ASCC3: variants seen among roughly 807,000 people sequenced by gnomAD.
The protein encoded by ASCC3 is ASC-1 complex subunit P200.
ASCC3 carries 158 observed loss-of-function variants against 256.3 expected under a neutral mutation model. That is an observed-to-expected ratio of 0.62 (90% CI 0.54 to 0.70). The LOEUF (loss-of-function observed/expected upper bound fraction) is 0.70. ASCC3 is among the 30% of genes least tolerant of loss of function. The probability of loss-of-function intolerance (pLI) is 0.00; values close to 1 mark genes in which losing one functional copy is unlikely to be tolerated. For synonymous variants in ASCC3, 948 were observed against 883.4 expected, an observed-to-expected ratio of 1.07 and a Z score of -1.30; for missense variants, 2,259 against 2,626.0, an observed-to-expected ratio of 0.86 and a Z score of 3.05.
intron 1 of ASCC3, among the ~76,000 whole-genome samples, chr6:100,872,817 G>T (rs1034282547): frequency 1.3e-5 from 2 of 152,160 alleles, no homozygotes; most frequent in Non-Finnish European, 2.9e-5. Context: ...CTCTCAGGAA[G>T]CCATATCCCT....
chr6:100,855,269 A>G (rs1318659029), intron 3 of ASCC3, among the ~76,000 whole-genome samples: 1 of 152,094 alleles, frequency 6.6e-6, no homozygotes, highest in Non-Finnish European at 1.5e-5. Flanking sequence ...GTGCACTACC[A>G]TGCCTGGCTA....
chr6:100,682,821 G>T (rs1351275007), intron 13 of ASCC3, among the ~76,000 whole-genome samples: 1 of 152,164 alleles, frequency 6.6e-6, no homozygotes, highest in African/African-American at 2.4e-5. Context: ...TTAGCTTGAA[G>T]GAGTACATTC....
chr6:100,546,386 T>C (rs1180900149), intron 36 of ASCC3, among the ~76,000 whole-genome samples: 6 of 152,136 alleles, frequency 3.9e-5, no homozygotes, highest in Non-Finnish European at 5.9e-5. Flanking sequence ...AAAATTCACA[T>C]GGAAATGTAA....
At chr6:100,595,123 C>T (rs1043902596) in intron 34 of ASCC3, among the ~76,000 whole-genome samples, 1 of 152,060 alleles carries the variant, frequency 6.6e-6, no homozygotes, top group African/African-American at 2.4e-5. Flanking sequence ...GGAATAAGTT[C>T]TGGTGATGCA....
At chr6:100,672,384 G>A (rs1384033690) in intron 14 of ASCC3, among the ~76,000 whole-genome samples, 1 of 151,760 alleles carries the variant, frequency 6.6e-6, no homozygotes, top group Non-Finnish European at 1.5e-5. Flanking sequence ...GTATTGCCTG[G>A]ACTGGAATAT....
chr6:100,594,145 G>A (rs886375526), intron 34 of ASCC3, among the ~76,000 whole-genome samples: 2 of 152,022 alleles, frequency 1.3e-5, no homozygotes, highest in Admixed American at 6.6e-5. Context: ...AGTATGATTA[G>A]CTGAAGGGAG....
intron 36 of ASCC3, among the ~76,000 whole-genome samples, chr6:100,557,755 ATAGT>A (rs929899260): frequency 9.9e-5 from 15 of 152,272 alleles, no homozygotes; most frequent in South Asian, 2.1e-4. Context: ...GCACAAAAAA[ATAGT>A]TAGAAAGAAT....
At chr6:100,518,329 C>T (rs1774140818) in intron 37 of ASCC3, among the ~76,000 whole-genome samples, 187 bp from the exon 38 acceptor site, 1 of 152,074 alleles carries the variant, frequency 6.6e-6, no homozygotes, top group African/African-American at 2.4e-5. Context: ...CTGATCATAG[C>T]ATTTACTGTA....
chr6:100,613,691 C>A (rs989411582), intron 30 of ASCC3, among the ~76,000 whole-genome samples: 1 of 152,018 alleles, frequency 6.6e-6, no homozygotes, highest in Admixed American at 6.6e-5. Flanking sequence ...CGGGTAGACA[C>A]CTAGTAGTAA....
chr6:100,586,807 C>G (rs1049504152), intron 36 of ASCC3, among the ~76,000 whole-genome samples: 1 of 151,956 alleles, frequency 6.6e-6, no homozygotes, highest in Non-Finnish European at 1.5e-5. Flanking sequence ...TCCTGAAAAC[C>G]AAAAGACAAA....
intron 10 of ASCC3, among the ~76,000 whole-genome samples, chr6:100,734,843 C>T (rs1018176923): frequency 6.6e-5 from 10 of 152,256 alleles, no homozygotes; most frequent in Admixed American, 2.6e-4. Flanking sequence ...ACAAACTAAG[C>T]TACTCTGCAA....
At chr6:100,583,187 T>A (rs137855117) in intron 36 of ASCC3, among the ~76,000 whole-genome samples, 250 of 152,344 alleles carry the variant, frequency 1.6e-3, no homozygotes, top group African/African-American at 5.6e-3. Context: ...GTACCTCTTG[T>A]ACAATTCGGC....
intron 3 of ASCC3, among the ~76,000 whole-genome samples, chr6:100,852,687 C>T (rs898907714): frequency 7.9e-5 from 12 of 151,972 alleles, no homozygotes; most frequent in East Asian, 1.9e-4. Context: ...AATCAACTGA[C>T]GAAAAGTTTA....
chr6:100,865,837 A>C (rs777933818), intron 2 of ASCC3, among the ~76,000 whole-genome samples: 8 of 152,190 alleles, frequency 5.3e-5, no homozygotes, highest in Non-Finnish European at 1.0e-4. Context: ...TCAGGCCTAT[A>C]AAATTCACAA....
chr6:100,852,612 G>A (rs1772737617), intron 3 of ASCC3, among the ~76,000 whole-genome samples: 2 of 152,068 alleles, frequency 1.3e-5, no homozygotes. Flanking sequence ...CACTCACTGT[G>A]GTCACCTTTC....
chr6:100,589,095 C>CA (rs1771854377), intron 36 of ASCC3, among the ~76,000 whole-genome samples: 1 of 151,524 alleles, frequency 6.6e-6, no homozygotes, highest in African/African-American at 2.4e-5. Context: ...AGCTATTTGG[C>CA]AAAAAAAGGA....
In ASCC3 at chr6:100,646,689, A is replaced by T. The variant is rs1283178790; in HGVS notation, c.3559T>A (p.Ser1187Thr). The T allele has an allele frequency of 6.2e-7, 1 of 1,613,478 alleles. No homozygotes were observed. The highest frequency in any genetic ancestry group is 8.5e-7 in the Non-Finnish European group (1 of 1,179,550). ...ACAGTCCTTGTGATAGGCTGAATGGATGCTTCCATCATAACAGAAGGAATC... is the reference window on the plus strand; with the variant it reads ...ACAGTCCTTGTGATAGGCTGAATGGTTGCTTCCATCATAACAGAAGGAATC... ...HQIPSVMMEA[S>T]IQPITRTVLR... is the part of the protein sequence containing the mutation. Residue 1187 changes from serine (S) to threonine (T), a missense_variant, in exon 22 of 42, where the codon TCC becomes ACC. Coordinates refer to ENST00000369162, the MANE Select transcript of ASCC3 (RefSeq NM_006828.4).
At chr6:100,595,397 AAG>A (rs1350295488) in intron 34 of ASCC3, among the ~76,000 whole-genome samples, 1 of 152,218 alleles carries the variant, frequency 6.6e-6, no homozygotes, top group African/African-American at 2.4e-5. Flanking sequence ...TATTTTAAAA[AAG>A]AGTCAATTAA....
intron 20 of ASCC3, 95 bp from the exon 21 acceptor site, chr6:100,647,546 C>T: frequency 1.8e-6 from 2 of 1,083,612 alleles, no homozygotes; most frequent in Non-Finnish European, 2.8e-6. Context: ...AAAAGAAGTG[C>T]AAGTCAAGCT....
Sources: allele counts gnomAD v4.1 joint callset (sites outside exome capture counted in the v4.1 genomes callset), GRCh38; gene constraint gnomAD v4.1.1; transcripts MANE v1.5; gene names NCBI Gene and HGNC (gene_info 2026-07-23, HGNC 2026-07-21).